HMCN2: variants seen among roughly 807,000 people sequenced by gnomAD.
The protein encoded by HMCN2 is hemicentin-2.
Under a neutral mutation model 377.5 loss-of-function variants are expected in HMCN2, and 325 were observed. The observed-to-expected ratio is 0.86, with a 90% CI of 0.79 to 0.94. HMCN2 has a LOEUF of 0.94. Ranked by LOEUF, HMCN2 falls within the 40% of genes least tolerant of loss-of-function variation. HMCN2 has a pLI of 0.00. For synonymous variants in HMCN2, 2,007 were observed against 2,046.8 expected (o/e 0.98, Z 0.53); for missense variants, 4,543 against 4,725.3 (o/e 0.96, Z 1.13).
At position 130,432,560 on chromosome 9, in the gene HMCN2, G is replaced by C. The variant is rs1844826550; in HGVS notation, c.14894+5G>C. 6.5e-7 allele frequency: 1 copy of C among 1,549,452 alleles called. No homozygotes were observed. Among genetic ancestry groups the C allele is most frequent in the Non-Finnish European group, 8.7e-7 (1 of 1,146,206 alleles). On this transcript the variant is annotated splice_donor_5th_base_variant and intron_variant, in intron 97 of 97. Coordinates refer to ENST00000683500, the MANE Select transcript of HMCN2 (RefSeq NM_001291815.2). ...CCGGCAGGGCCCCAGCCCTGGGTAA[G>C]GGCTGAGTTGGCAGGGCCTCGTGCC...
intron 22 of HMCN2, among the ~76,000 whole-genome samples, chr9:130,337,646 G>C (rs1253467769): frequency 1.3e-5 from 2 of 151,080 alleles, no homozygotes; most frequent in African/African-American, 4.9e-5. Flanking sequence ...AGGATTTAGA[G>C]TTTAGACTCG....
chr9:130,313,774 CTTTTTTT>C (rs1215426849), intron 15 of HMCN2, among the ~76,000 whole-genome samples: 2 of 81,558 alleles, frequency 2.5e-5, no homozygotes, highest in Admixed American at 1.6e-4. Flanking sequence ...TGTGTGTCCT[CTTTTTTT>C]TTTTTTTTTT....
chr9:130,390,689 A>G (rs2131671364), intron 62 of HMCN2, among the ~76,000 whole-genome samples: 1 of 150,238 alleles, frequency 6.7e-6, no homozygotes, highest in African/African-American at 2.4e-5. Context: ...GCATGGAGGG[A>G]GAAAGCAAAA....
rs1554935987 is a variant in HMCN2 at position 130,304,803 on chromosome 9, G to T, written c.1617G>T (p.Arg539=). 6.4e-6 allele frequency: 3 copies of T among 471,204 alleles called. No individual in the cohort carries two copies. Among genetic ancestry groups the T allele is most frequent in the Non-Finnish European group, 8.8e-6 (2 of 227,062 alleles). The allele number at this position is 471,204 out of a possible 1,614,324, so 29.2% of individuals were successfully genotyped here. A position where few individuals can be genotyped will look rare whatever the true frequency, so the allele number is the denominator to read the frequency against. ...GGGAGACTGCCGTCCTATCCTGCCG[G>T]GTCCTAGGCGAGGCCCCCTACAACC... ...SPGETAVLSC[R]VLGEAPYNLT... Residue 539 remains arginine (R), a synonymous_variant, in exon 11 of 98, where the codon CGG becomes CGT. Coordinates refer to ENST00000683500, the MANE Select transcript of HMCN2 (RefSeq NM_001291815.2). This position sits in a 1 kb window ranked among gnomAD's most constrained non-coding sequence, Gnocchi z 4.3.
chr9:130,404,631 ATGTG>A (rs138458577), intron 80 of HMCN2, among the ~76,000 whole-genome samples: 1 of 151,884 alleles, frequency 6.6e-6, no homozygotes, highest in Non-Finnish European at 1.5e-5. Context: ...ATGTGCATGC[ATGTG>A]TGTGTGTGTG....
intron 11 of HMCN2, 141 bp downstream of exon 11, chr9:130,305,143 A>G (rs1588209867): frequency 5.5e-6 from 2 of 366,884 alleles, no homozygotes; most frequent in Non-Finnish European, 1.1e-5. Context: ...TTGAACTTTC[A>G]GGGAGAGAGA....
chr9:130,272,107 C>T (rs1834436555), intron 1 of HMCN2, among the ~76,000 whole-genome samples: 1 of 149,232 alleles, frequency 6.7e-6, no homozygotes, highest in Non-Finnish European at 1.5e-5. Flanking sequence ...TGAGTGGGAC[C>T]CCCACGGGAA....
chr9:130,351,632 C>T lies in HMCN2; in HGVS notation c.4585+55C>T. 2.4e-6 allele frequency: 3 copies of T among 1,262,332 alleles called. No individual in the cohort carries two copies. Among genetic ancestry groups the T allele is most frequent in the Non-Finnish European group, 3.1e-6 (3 of 961,426 alleles). 78.2% of individuals were successfully genotyped at this position (1,262,332 alleles called of 1,614,324 possible). ...CACAGGCTACTCAGGAAGCTTCCCA[C>T]CCAGCTGCCCGCTGCCTTAGAGGGA... On this transcript the variant is annotated intron_variant, in intron 30 of 97. Transcript: ENST00000683500. The surrounding 1 kb of genome is among the most constrained non-coding windows in gnomAD (Gnocchi z 5.4).
Position 130,427,666 on chromosome 9 carries a change from G to A in HMCN2, c.14065+47G>A, listed in dbSNP as rs950249189. The A allele has an allele frequency of 4.6e-6, 7 of 1,523,890 alleles. No homozygotes were observed. The South Asian group carries it at 7.6e-5, about 16-fold the overall frequency. The allele number at this position is 1,523,890 out of a possible 1,614,324, so 94.4% of individuals were successfully genotyped here. On this transcript the variant is annotated intron_variant, in intron 92 of 97. Transcript: ENST00000683500. ...GGGAGGAGACGCGCTCCTCAGACCT[G>A]ACCCAGGTGTGCAGAAGGGTCCCCA...
At chr9:130,403,640 C>G in intron 79 of HMCN2, 101 bp from the exon 80 acceptor site, 2 of 1,161,170 alleles carry the variant, frequency 1.7e-6, no homozygotes, top group Non-Finnish European at 2.2e-6. Flanking sequence ...GTGACCCCAG[C>G]AAGTCATTTG....
chr9:130,314,489 A>G (rs941216591), intron 15 of HMCN2, among the ~76,000 whole-genome samples: 7 of 152,344 alleles, frequency 4.6e-5, no homozygotes, highest in South Asian at 4.1e-4. Context: ...TTATGGAGGA[A>G]GAGGAGTAAA....
chr9:130,310,675 G>C (rs1458484828), intron 15 of HMCN2, among the ~76,000 whole-genome samples: 5 of 151,642 alleles, frequency 3.3e-5, no homozygotes, highest in South Asian at 4.2e-4. Context: ...GTGTGAACAC[G>C]AGGAGGTGGG....
intron 22 of HMCN2, 85 bp downstream of exon 22, chr9:130,327,560 C>G (rs1422453903): frequency 6.6e-6 from 1 of 152,294 alleles, no homozygotes; most frequent in Non-Finnish European, 1.5e-5. Context: ...CAGCGGGTGT[C>G]TTGGACCCTG....
In HMCN2 at chr9:130,348,881, TCTGGCCA is replaced by T. The variant is rs1293008946; in HGVS notation, c.4156-94_4156-88del. ...TGCGTGGCAGAGAGCATGGCACCGT[TCTGGCCA>T]CTGGCCACCTCTCGGGCCTCAGTTT... On this transcript the variant is annotated intron_variant, in intron 27 of 97. Coordinates refer to ENST00000683500, the MANE Select transcript of HMCN2 (RefSeq NM_001291815.2). The T allele has an allele frequency of 9.0e-6, 11 of 1,220,604 alleles. No homozygotes were observed. In the East Asian group the frequency reaches 1.7e-4, roughly 19 times the overall value. The allele number at this position is 1,220,604 out of a possible 1,614,324, so 75.6% of individuals were successfully genotyped here. A position where few individuals can be genotyped will look rare whatever the true frequency, so the allele number is the denominator to read the frequency against.
chr9:130,343,828 G>A (rs1420704621), intron 25 of HMCN2, among the ~76,000 whole-genome samples: 1 of 152,226 alleles, frequency 6.6e-6, no homozygotes, highest in African/African-American at 2.4e-5. Flanking sequence ...TGTGGCCTTG[G>A]GCTCGGAGCG....
At position 130,374,713 on chromosome 9, in the gene HMCN2, T is replaced by TG; in HGVS notation, c.7630+22dup. ...TCCTGTGTAAGTTTTGGGCATCTCC[T>TG]GGCCACCGCGGGTGCTGGAGGGAGG... On this transcript the variant is annotated intron_variant, in intron 49 of 97. Coordinates refer to ENST00000683500, the MANE Select transcript of HMCN2 (RefSeq NM_001291815.2). 2.0e-6 allele frequency: 2 copies of TG among 985,170 alleles called. No individual in the cohort carries two copies. The highest frequency in any genetic ancestry group is 2.4e-6 in the Non-Finnish European group (2 of 829,400). 61.0% of individuals were successfully genotyped at this position (985,170 alleles called of 1,614,324 possible).
Position 130,403,183 on chromosome 9 carries a change from G to A in HMCN2, c.11879-11G>A, listed in dbSNP as rs749850703. On this transcript the variant is annotated splice_polypyrimidine_tract_variant and intron_variant, in intron 78 of 97. Transcript: ENST00000683500. Reference sequence around the variant, plus strand: ...CATTCTCAGGGCCCTCTGCACCCCCGTCCTTTGTAGCCTCCCCGGTGGTGA... The same window carrying A: ...CATTCTCAGGGCCCTCTGCACCCCCATCCTTTGTAGCCTCCCCGGTGGTGA... 53 of 1,287,680 alleles carry A rather than the reference G, an allele frequency of 4.1e-5. No homozygotes were observed. The highest frequency in any genetic ancestry group is 9.2e-5 in the Admixed American group (4 of 43,438). The allele number at this position is 1,287,680 out of a possible 1,614,324, so 79.8% of individuals were successfully genotyped here.
chr9:130,299,310 C>A, intron 8 of HMCN2, 22 bp downstream of exon 8: 1 of 432,446 alleles, frequency 2.3e-6, no homozygotes. Flanking sequence ...GCTCTTTTGT[C>A]TCCCAGGCCC....
chr9:130,421,207 G>T (rs763973259), intron 86 of HMCN2, among the ~76,000 whole-genome samples: 8 of 152,116 alleles, frequency 5.3e-5, no homozygotes, highest in Non-Finnish European at 1.2e-4. Context: ...GATTGGCTTC[G>T]TATCATTCCA....
Sources: gnomAD v4.1 joint callset for allele counts (sites outside exome capture counted in the v4.1 genomes callset) on GRCh38, gnomAD v4.1.1 for gene constraint, Gnocchi (gnomAD v3.1) non-coding constraint, MANE v1.5 for transcripts, NCBI Gene and HGNC (gene_info 2026-07-23, HGNC 2026-07-21) for gene names.